Variants in POLH observed in about 807,000 individuals in gnomAD.
POLH encodes the protein DNA polymerase eta.
Under a neutral mutation model 73.6 loss-of-function variants are expected in POLH, and 53 were observed. That is an observed-to-expected ratio of 0.72 (90% CI 0.58 to 0.91). The LOEUF (loss-of-function observed/expected upper bound fraction) is 0.91. POLH is among the 40% of genes least tolerant of loss of function. The probability of loss-of-function intolerance (pLI) is 0.00; values close to 1 mark genes in which losing one functional copy is unlikely to be tolerated. For missense variants in POLH, 768 were observed against 865.4 expected (o/e 0.89, Z 1.41); for synonymous variants, 292 against 308.5 (o/e 0.95, Z 0.56).
intron 6 of POLH, 62 bp from the exon 7 acceptor site, chr6:43,603,830 G>A (rs1766994384): frequency 4.5e-6 from 7 of 1,563,706 alleles, no homozygotes; most frequent in South Asian, 2.2e-5. Context: ...AATGTCTTAC[G>A]TTTGCTGCTA....
intron 1 of POLH, among the ~76,000 whole-genome samples, chr6:43,577,850 C>T (rs914034178): frequency 3.3e-5 from 5 of 151,770 alleles, no homozygotes; most frequent in East Asian, 3.9e-4. Context: ...TTTGGGAGGC[C>T]GAGGCGGGCG....
intron 6 of POLH, among the ~76,000 whole-genome samples, chr6:43,602,769 G>A (rs1289891002): frequency 6.6e-6 from 1 of 151,536 alleles, no homozygotes; most frequent in Non-Finnish European, 1.5e-5. Context: ...CTGGGTTCAA[G>A]CGATTCTCCT....
intron 2 of POLH, among the ~76,000 whole-genome samples, chr6:43,582,700 T>G (rs909564629): frequency 2.6e-5 from 4 of 151,278 alleles, no homozygotes; most frequent in African/African-American, 7.3e-5. Flanking sequence ...TTTTATTTTT[T>G]GGGGGGTGGG....
Position 43,587,280 on chromosome 6 carries a change from A to C in POLH, c.281A>C (p.Glu94Ala). Reference sequence around the variant, plus strand: ...ATCCTTATACTTCTTAGGTACCGGGAAGCCAGTGTTGAAGTGATGGAGATA... The same window carrying C: ...ATCCTTATACTTCTTAGGTACCGGGCAGCCAGTGTTGAAGTGATGGAGATA... The part of the protein sequence containing the change: ...RGKANLTKYR[E>A]ASVEVMEIMS... Residue 94 changes from glutamate to alanine, a missense_variant, in exon 4 of 11, where the codon GAA (glutamate) becomes GCA (alanine). Coordinates refer to ENST00000372236, the MANE Select transcript of POLH (RefSeq NM_006502.3). 6.2e-7 allele frequency: 1 copy of C among 1,613,518 alleles called. No individual in the cohort carries two copies. Among genetic ancestry groups the C allele is most frequent in the Non-Finnish European group, 8.5e-7 (1 of 1,179,430 alleles).
Position 43,597,783 on chromosome 6 carries a change from G to A in POLH, c.578G>A (p.Gly193Glu), listed in dbSNP as rs779127982. The A allele has an allele frequency of 6.2e-7, 1 of 1,613,694 alleles. No individual in the cohort carries two copies. Among genetic ancestry groups the A allele is most frequent in the Non-Finnish European group, 8.5e-7 (1 of 1,179,592 alleles). ...TCTCCAGACCTGCAGCTCACCGTGG[G>A]AGCAGTGATTGTGGAGGAAATGAGA... Reference protein sequence around the residue: ...LTSPDLQLTVGAVIVEEMRAA... With the variant: ...LTSPDLQLTVEAVIVEEMRAA... The change falls in exon 5 of 11, where the codon GGA becomes GAA. Residue 193 changes from glycine to glutamate, a missense_variant. By Grantham distance (98) the Gly-to-Glu change is moderately conservative. Coordinates refer to ENST00000372236, the MANE Select transcript of POLH (RefSeq NM_006502.3).
rs1409720927 is a variant in POLH, at chr6:43,617,013, A to G, written c.*2456A>G. Among the ~76,000 whole-genome samples the G allele has an allele frequency of 3.3e-5, 5 of 152,192 alleles. No homozygotes were observed. Among genetic ancestry groups the G allele is most frequent in the African/African-American group, 4.8e-5 (2 of 41,442 alleles). On this transcript the variant is annotated 3_prime_UTR_variant, in exon 11 of 11. Coordinates refer to ENST00000372236, the MANE Select transcript of POLH (RefSeq NM_006502.3). Reference sequence around the variant, plus strand: ...AAGACAAGCATGGCCAACATGGCGAAACCCTGTATCTACTAAAAATACAAA... The same window carrying G: ...AAGACAAGCATGGCCAACATGGCGAGACCCTGTATCTACTAAAAATACAAA...
rs1357004723 is a variant in POLH at position 43,587,328 on chromosome 6, A to T, written c.329A>T (p.Glu110Val). 1 of 1,614,142 alleles carries T rather than the reference A, an allele frequency of 6.2e-7. No homozygotes were observed. The highest frequency in any genetic ancestry group is 1.1e-5 in the South Asian group (1 of 91,084). Residue 110 changes from glutamate (E) to valine (V), a missense_variant, in exon 4 of 11, where the codon GAA becomes GTA. Transcript: ENST00000372236. ...ATAATGTCTCGTTTTGCTGTGATTGAACGTGCCAGCATTGATGAGGCTTAC... is the reference window on the plus strand; with the variant it reads ...ATAATGTCTCGTTTTGCTGTGATTGTACGTGCCAGCATTGATGAGGCTTAC... ...MEIMSRFAVI[E>V]RASIDEAYVD...
Position 43,582,528 on chromosome 6 carries a change from G to T in POLH, c.137+72G>T, listed in dbSNP as rs924859734. The T allele has an allele frequency of 1.9e-5, 25 of 1,302,730 alleles. No individual in the cohort carries two copies. In the Admixed American group the frequency reaches 4.3e-4, roughly 22 times the overall value. 80.7% of individuals were successfully genotyped at this position (1,302,730 alleles called of 1,614,324 possible). ...GCACTGTGGCAGGTCCTTTGTTGTT[G>T]TGGTGGTGGTGGTGGTGGTGACAGG... On this transcript the variant is annotated intron_variant, in intron 2 of 10. Coordinates refer to ENST00000372236, the MANE Select transcript of POLH (RefSeq NM_006502.3).
At chr6:43,580,897 C>T (rs1375882003) in intron 1 of POLH, among the ~76,000 whole-genome samples, 4 of 146,442 alleles carry the variant, frequency 2.7e-5, no homozygotes, top group African/African-American at 5.1e-5. Flanking sequence ...GAGGGCTGAC[C>T]CCCCCACCTC....
At chr6:43,606,483 C>T (rs1037981677) in intron 9 of POLH, among the ~76,000 whole-genome samples, 2 of 151,870 alleles carry the variant, frequency 1.3e-5, no homozygotes, top group African/African-American at 2.4e-5. Context: ...GGCTGGAGTG[C>T]AGTGGAGCAA....
chr6:43,604,578 T>G (rs372215820), intron 7 of POLH, 37 bp from the exon 8 acceptor site: 1 of 1,606,488 alleles, frequency 6.2e-7, no homozygotes, highest in Admixed American at 1.7e-5. Context: ...GAATAATCAT[T>G]TAATTTCACC....
chr6:43,585,632 C>CTTTTTTTTTTTTTTTT (rs927573344), intron 3 of POLH, among the ~76,000 whole-genome samples: 1 of 133,122 alleles, frequency 7.5e-6, no homozygotes, highest in African/African-American at 3.4e-5. Context: ...ATTGCTCTTT[C>CTTTTTTTTTTTTTTTT]TTTTCTTTTT....
At chr6:43,579,414 G>T (rs1218686052) in intron 1 of POLH, among the ~76,000 whole-genome samples, 1 of 152,168 alleles carries the variant, frequency 6.6e-6, no homozygotes, top group African/African-American at 2.4e-5. Flanking sequence ...CCTATCCAAT[G>T]AAGTTTCCAT....
In POLH at chr6:43,619,989, C is replaced by G. The variant is rs376263272; in HGVS notation, c.*5432C>G. ...ACAGTTGACTTTGGCCCCTATTTAC[C>G]CATAAAATGTCAAAATCAAGTAGTA... On this transcript the variant is annotated 3_prime_UTR_variant, in exon 11 of 11. Coordinates refer to ENST00000372236, the MANE Select transcript of POLH (RefSeq NM_006502.3). The G allele has an allele frequency of 3.9e-6, 1 of 254,592 alleles. No homozygotes were observed. 15.8% of individuals were successfully genotyped at this position (254,592 alleles called of 1,614,324 possible).
chr6:43,610,589 T>C lies in POLH; in HGVS notation c.1110T>C (p.Ile370=), dbSNP rs1186925797. The change falls in exon 10 of 11, where the codon ATT becomes ATC. Residue 370 remains isoleucine, a synonymous_variant. Coordinates refer to ENST00000372236, the MANE Select transcript of POLH (RefSeq NM_006502.3). ...DRVATQLVVS[I]RVQGDKRLSS... ...TAGCCACCCAGCTGGTTGTGAGCAT[T>C]CGTGTACAAGGAGACAAACGCCTCA... 4 of 1,614,076 alleles carry C rather than the reference T, an allele frequency of 2.5e-6. No homozygotes were observed. Among genetic ancestry groups the C allele is most frequent in the African/African-American group, 1.3e-5 (1 of 75,022 alleles).
rs888071360 is a variant in POLH at position 43,618,453 on chromosome 6, A to G, written c.*3896A>G. On this transcript the variant is annotated 3_prime_UTR_variant, in exon 11 of 11. Transcript: ENST00000372236. Reference sequence around the variant, plus strand: ...AGGCATGAGCCACCACGCCCAGCCTATAGTACTGTATTCTTATTCTCCACT... The same window carrying G: ...AGGCATGAGCCACCACGCCCAGCCTGTAGTACTGTATTCTTATTCTCCACT... Among the ~76,000 whole-genome samples the G allele has an allele frequency of 5.3e-5, 8 of 151,996 alleles. No homozygotes were observed. The highest frequency in any genetic ancestry group is 1.9e-4 in the African/African-American group (8 of 41,374).
intron 6 of POLH, among the ~76,000 whole-genome samples, chr6:43,603,589 C>T (rs537145727): frequency 1.3e-5 from 2 of 152,204 alleles, no homozygotes; most frequent in African/African-American, 4.8e-5. Context: ...AAGTTTTAGC[C>T]ATGGAAGGGA....
At chr6:43,578,152 C>T (rs541576035) in intron 1 of POLH, among the ~76,000 whole-genome samples, 6 of 151,926 alleles carry the variant, frequency 3.9e-5, no homozygotes, top group South Asian at 2.1e-4. Flanking sequence ...TTTGGGAGGC[C>T]GAGGTGGGTG....
chr6:43,602,358 T>C (rs1188223575), intron 6 of POLH, among the ~76,000 whole-genome samples: 1 of 152,198 alleles, frequency 6.6e-6, no homozygotes, highest in East Asian at 1.9e-4. Flanking sequence ...GTCATAAGAC[T>C]GCATAATTGA....
Sources: allele counts gnomAD v4.1 joint callset (sites outside exome capture counted in the v4.1 genomes callset), GRCh38; gene constraint gnomAD v4.1.1; transcripts MANE v1.5; gene names NCBI Gene and HGNC (gene_info 2026-07-23, HGNC 2026-07-21).